Variants in CEP76 observed in about 807,000 individuals in gnomAD.
The protein encoded by CEP76 is centrosomal protein of 76 kDa.
A neutral mutation model predicts 83.3 loss-of-function variants in CEP76; 55 were observed. The ratio of observed to expected loss-of-function variants is 0.66; its 90% CI spans 0.53 to 0.83. CEP76 has a LOEUF of 0.83. Among genes scored for constraint, CEP76 ranks in the 40% least tolerant of loss-of-function variants. CEP76 has a pLI of 0.00. For synonymous variants in CEP76, 270 were observed against 274.5 expected (o/e 0.98, Z 0.16); for missense variants, 694 against 799.5 (o/e 0.87, Z 1.59).
chr18:12,677,993 T>C, intron 10 of CEP76, 116 bp downstream of exon 10: 1 of 711,722 alleles, frequency 1.4e-6, no homozygotes, highest in Non-Finnish European at 2.4e-6. Flanking sequence ...TAGTAGGGAC[T>C]GTAGTTGTTT....
intron 7 of CEP76, among the ~76,000 whole-genome samples, chr18:12,687,058 A>T (rs1412847800): frequency 1.3e-5 from 2 of 152,208 alleles, no homozygotes; most frequent in Non-Finnish European, 2.9e-5. Flanking sequence ...GTATGCATAT[A>T]TAGGTCTCTG....
chr18:12,693,810 T>C (rs1375596263), intron 6 of CEP76, among the ~76,000 whole-genome samples: 4 of 152,082 alleles, frequency 2.6e-5, no homozygotes, highest in Non-Finnish European at 4.4e-5. Context: ...ACCCCTCACG[T>C]ATACACATAA....
intron 8 of CEP76, among the ~76,000 whole-genome samples, chr18:12,684,015 G>A (rs920937456): frequency 2.0e-5 from 3 of 149,978 alleles, no homozygotes; most frequent in South Asian, 2.1e-4. Flanking sequence ...TCATATATAT[G>A]ATATCATATA....
At chr18:12,663,784 G>C (rs1239082457) in intron 12 of CEP76, among the ~76,000 whole-genome samples, 5 of 152,078 alleles carry the variant, frequency 3.3e-5, no homozygotes, top group Non-Finnish European at 7.4e-5. Context: ...TATGTGTAGA[G>C]AGACAGAATC....
intron 5 of CEP76, among the ~76,000 whole-genome samples, chr18:12,695,674 G>A (rs1237797257): frequency 1.3e-5 from 2 of 151,952 alleles, no homozygotes; most frequent in African/African-American, 2.4e-5. Flanking sequence ...GCCTTCCAAA[G>A]TGCTTGGTGG....
At chr18:12,683,393 T>TA (rs531562261) in intron 8 of CEP76, among the ~76,000 whole-genome samples, 149 of 138,118 alleles carry the variant, frequency 1.1e-3, no homozygotes, top group African/African-American at 3.2e-3. Flanking sequence ...AACCACTGAA[T>TA]AAAAAAAAAA....
chr18:12,688,667 G>T (rs1191372424), intron 7 of CEP76, among the ~76,000 whole-genome samples: 2 of 152,164 alleles, frequency 1.3e-5, no homozygotes, highest in African/African-American at 2.4e-5. Context: ...GCACTGTCCA[G>T]TGAGAAAATC....
intron 12 of CEP76, among the ~76,000 whole-genome samples, chr18:12,664,643 C>T (rs1315327766): frequency 6.6e-6 from 1 of 151,924 alleles, no homozygotes; most frequent in African/African-American, 2.4e-5. Flanking sequence ...CCTTGGCCTC[C>T]CAAAGTGCTG....
chr18:12,696,239 C>T (rs1246509280), intron 5 of CEP76, among the ~76,000 whole-genome samples: 2 of 152,140 alleles, frequency 1.3e-5, no homozygotes, highest in Non-Finnish European at 2.9e-5. Context: ...GGCGCGGTGA[C>T]TCACGCCAAT....
At chr18:12,693,684 G>A (rs28446685) in intron 6 of CEP76, among the ~76,000 whole-genome samples, 3,117 of 152,220 alleles carry the variant, frequency 0.02, 121 homozygotes, top group African/African-American at 0.071. Flanking sequence ...TCAGGAGACT[G>A]AGGCAGGAGA....
chr18:12,699,844 G>T lies in CEP76; in HGVS notation c.281C>A (p.Ser94Ter), dbSNP rs544249290. 2 of 1,567,696 alleles carry T rather than the reference G, an allele frequency of 1.3e-6. No homozygotes were observed. The highest frequency in any genetic ancestry group is 1.4e-5 in the African/African-American group (1 of 72,988). The change falls in exon 3 of 12, where the codon TCG (serine) becomes TAG (stop). Residue 94 changes from serine to a stop codon, truncating the protein, a stop_gained. Transcript: ENST00000262127. LOFTEE classifies it high-confidence loss of function. ...AATATACATACTTTTTTTTAATGTC[G>T]ATTGTCTATCAAAACAAATAGGTTG... Reference protein sequence around the residue: ...PKQPICFDRQSTLKKTNIDPT... With the variant: ...PKQPICFDRQ
chr18:12,699,522 C>A (rs1426921257), intron 3 of CEP76, among the ~76,000 whole-genome samples: 1 of 152,154 alleles, frequency 6.6e-6, no homozygotes, highest in Non-Finnish European at 1.5e-5. Flanking sequence ...CAAACCAACT[C>A]ATATAATTAT....
chr18:12,675,958 C>T lies in CEP76; in HGVS notation c.1624-1205G>A, dbSNP rs565188959. Among the ~76,000 whole-genome samples the T allele has an allele frequency of 4.3e-4, 65 of 152,070 alleles. 1 individual carries two copies. The South Asian group carries it at 6.0e-3, about 14-fold the overall frequency. ...TGCTGGGATTACAGGCATAAGCCACCGTGCCCAGCCCATGATTCCATTTAT... is the reference window on the plus strand; with the variant it reads ...TGCTGGGATTACAGGCATAAGCCACTGTGCCCAGCCCATGATTCCATTTAT... On this transcript the variant is annotated intron_variant, in intron 10 of 11. Transcript: ENST00000262127.
At chr18:12,699,238 C>A in intron 3 of CEP76, 35 bp from the exon 4 acceptor site, 5 of 1,363,874 alleles carry the variant, frequency 3.7e-6, no homozygotes, top group Non-Finnish European at 5.1e-6. Context: ...AGGAAACTGC[C>A]AAATAACTTA....
chr18:12,689,015 G>A (rs1416318813), intron 7 of CEP76, among the ~76,000 whole-genome samples: 1 of 152,174 alleles, frequency 6.6e-6, no homozygotes, highest in Non-Finnish European at 1.5e-5. Flanking sequence ...TTGGGAGGCT[G>A]AGGCAGGAGA....
Position 12,678,105 on chromosome 18 carries a change from T to C in CEP76, c.1623+4A>G, listed in dbSNP as rs377711940. ...GAAACTACAACTATTTCAGTGTGAA[T>C]TACCTTCCTGTGTTCTGACACCAGG... On this transcript the variant is annotated splice_donor_region_variant and intron_variant, in intron 10 of 11. Coordinates refer to ENST00000262127, the MANE Select transcript of CEP76 (RefSeq NM_024899.4). The C allele has an allele frequency of 6.2e-7, 1 of 1,602,854 alleles. No individual in the cohort carries two copies. The highest frequency in any genetic ancestry group is 1.1e-5 in the South Asian group (1 of 90,896).
intron 7 of CEP76, among the ~76,000 whole-genome samples, chr18:12,689,794 G>A (rs752813469): frequency 4.6e-5 from 7 of 151,702 alleles, no homozygotes; most frequent in Admixed American, 1.3e-4. Flanking sequence ...ATTTTTTGTC[G>A]TTGTTATTGT....
At chr18:12,681,294 C>CT (rs2039342557) in intron 8 of CEP76, among the ~76,000 whole-genome samples, 1 of 139,030 alleles carries the variant, frequency 7.2e-6, no homozygotes, top group Non-Finnish European at 1.5e-5. Context: ...GGGTCTTCCT[C>CT]TGTCACCCAG....
At chr18:12,674,337 G>A (rs1376163777) in intron 11 of CEP76, among the ~76,000 whole-genome samples, 199 bp downstream of exon 11, 1 of 151,914 alleles carries the variant, frequency 6.6e-6, no homozygotes, top group East Asian at 1.9e-4. Context: ...AGTTGCCTGG[G>A]AGGGTGAGGT....
Sources: allele counts gnomAD v4.1 joint callset (sites outside exome capture counted in the v4.1 genomes callset), GRCh38; gene constraint gnomAD v4.1.1; transcripts MANE v1.5; gene names NCBI Gene and HGNC (gene_info 2026-07-23, HGNC 2026-07-21).